Variants in NOL6 observed in about 807,000 individuals in gnomAD.
NOL6 encodes nucleolar RNA-associated protein.
In NOL6, 33 loss-of-function variants were observed where a neutral mutation model predicts 131.7. That is an observed-to-expected ratio of 0.25 (90% CI 0.19 to 0.33). The LOEUF is 0.33. Among genes scored for constraint, NOL6 ranks in the 10% least tolerant of loss-of-function variants. The pLI is 1.00. For synonymous variants in NOL6, 580 were observed against 605.7 expected, an observed-to-expected ratio of 0.96 and a Z score of 0.62; for missense variants, 1,297 against 1,494.5, an observed-to-expected ratio of 0.87 and a Z score of 2.18.
At position 33,468,411 on chromosome 9, in the gene NOL6, A is replaced by G. The variant is rs532457450; in HGVS notation, c.1218T>C (p.Ala406=). 1 of 1,614,160 alleles carries G rather than the reference A, an allele frequency of 6.2e-7. No individual in the cohort carries two copies. Among genetic ancestry groups the G allele is most frequent in the African/African-American group, 1.3e-5 (1 of 75,050 alleles). Reference sequence around the variant, plus strand: ...CAACGGAGAAGGCCTGGTGGAAGTCAGCCAGGGCCGGCTTGGGGGGTGTAG... The same window carrying G: ...CAACGGAGAAGGCCTGGTGGAAGTCGGCCAGGGCCGGCTTGGGGGGTGTAG... ...LSSDPSLPAL[A]DFHQAFSVVF... is the part of the protein sequence containing the mutation. The change falls in exon 10 of 26, where the codon GCT becomes GCC. Residue 406 remains alanine (A), a synonymous_variant. Transcript: ENST00000297990.
chr9:33,467,216 C>T lies in NOL6; in HGVS notation c.1772G>A (p.Arg591His), dbSNP rs781438877. 6.8e-6 allele frequency: 11 copies of T among 1,614,080 alleles called. No individual in the cohort carries two copies. Among genetic ancestry groups the T allele is most frequent in the Non-Finnish European group, 7.6e-6 (9 of 1,180,048 alleles). Residue 591 changes from arginine to histidine, a missense_variant, in exon 14 of 26, where the codon CGT becomes CAT. By Grantham distance (29) the Arg-to-His change is conservative (BLOSUM62 0). Coordinates refer to ENST00000297990, the MANE Select transcript of NOL6 (RefSeq NM_022917.5). The surrounding 1 kb of genome is among the most constrained non-coding windows in gnomAD (Gnocchi z 4.4). ...TTCCCGAATGGCTCCGTCCTGGAAA[C>T]GCCGAAGCTCCGAGCGGGATCCCCA... Reference protein sequence around the residue: ...QFWGSRSELRRFQDGAIREAV... With the variant: ...QFWGSRSELRHFQDGAIREAV...
intron 1 of NOL6, among the ~76,000 whole-genome samples, chr9:33,472,928 G>A (rs111855547): frequency 3.1e-4 from 46 of 149,014 alleles, no homozygotes; most frequent in African/African-American, 1.0e-3. Context: ...AGCCGAGATC[G>A]TGCCATTGCA....
In NOL6 at chr9:33,466,488, G is replaced by C. The variant is rs1587218695; in HGVS notation, c.2092-63C>G. The C allele has an allele frequency of 1.9e-6, 3 of 1,612,070 alleles. No individual in the cohort carries two copies. In the East Asian group the frequency reaches 6.7e-5, roughly 36 times the overall value. ...TGGGAGGGAGTGCCCAGAGTCAGGA[G>C]TTGGAAGTGGGGAATACTGGGTGAC... On this transcript the variant is annotated intron_variant, in intron 16 of 25. Coordinates refer to ENST00000297990, the MANE Select transcript of NOL6 (RefSeq NM_022917.5).
chr9:33,473,758 G>A, intron 1 of NOL6, 31 bp downstream of exon 1: 12 of 1,610,784 alleles, frequency 7.4e-6, no homozygotes, highest in Non-Finnish European at 1.0e-5. Context: ...CGCACATTGA[G>A]CCTCTGTTCC....
At position 33,468,091 on chromosome 9, in the gene NOL6, C is replaced by T. The variant is rs1366663854; in HGVS notation, c.1363G>A (p.Gly455Arg). 3 of 1,614,140 alleles carry T rather than the reference C, an allele frequency of 1.9e-6. No homozygotes were observed. The highest frequency in any genetic ancestry group is 2.5e-6 in the Non-Finnish European group (3 of 1,180,038). Residue 455 changes from glycine (G) to arginine (R), a missense_variant, in exon 11 of 26, where the codon GGG (glycine) becomes AGG (arginine). Transcript: ENST00000297990. Reference protein sequence around the residue: ...MMLLDSRADDGFHLLLMTPKP... With the variant: ...MMLLDSRADDRFHLLLMTPKP... ...GGAGTCATCAACAGCAGGTGGAACCCGTCGTCAGCTCTGCTGTCCAGCAAC... is the reference window on the plus strand; with the variant it reads ...GGAGTCATCAACAGCAGGTGGAACCTGTCGTCAGCTCTGCTGTCCAGCAAC...
rs115693717 is a variant in NOL6, at chr9:33,469,098, G to C, written c.886C>G (p.Arg296Gly). 3.9e-5 allele frequency: 63 copies of C among 1,614,044 alleles called. No individual in the cohort carries two copies. Among genetic ancestry groups the C allele is most frequent in the Non-Finnish European group, 4.8e-5 (57 of 1,180,050 alleles). The change falls in exon 7 of 26, where the codon CGC becomes GGC. Residue 296 changes from arginine (R) to glycine (G), a missense_variant. Transcript: ENST00000297990. The part of the protein sequence containing the change: ...GDGSPEPPTP[R>G]YNTWVLQDTV... ...TCTTGCAGGACCCATGTGTTATAGC[G>C]GGGGGTAGGAGGCTCTGGGCTACCT... is the stretch of plus-strand genomic sequence containing the variant.
rs138187500 is a variant in NOL6, at chr9:33,462,779, C to T, written c.3326G>A (p.Arg1109Gln). ...GGGCACCATTACTAGCTCCCCACCT[C>T]GAGACATCACCATGCGCCCCTTTGT... ...SSTKGRMVMSRGGELVMVPNV... is the reference protein window; with the variant it reads ...SSTKGRMVMSQGGELVMVPNV... Residue 1109 changes from arginine (R) to glutamine (Q), a missense_variant, in exon 26 of 26, where the codon CGA becomes CAA. By Grantham distance (43) the Arg-to-Gln change is conservative. Transcript: ENST00000297990. 2.3e-4 allele frequency: 365 copies of T among 1,614,056 alleles called. No individual in the cohort carries two copies. Among genetic ancestry groups the T allele is most frequent in the Non-Finnish European group, 2.8e-4 (329 of 1,180,046 alleles).
At chr9:33,472,517 T>C in intron 1 of NOL6, 105 bp from the exon 2 acceptor site, 1 of 866,984 alleles carries the variant, frequency 1.2e-6, no homozygotes, top group Non-Finnish European at 1.8e-6. Flanking sequence ...ACCTGCTCTG[T>C]CCCTCTTTTG....
In NOL6 at chr9:33,466,979, T is replaced by C. The variant is rs762833225; in HGVS notation, c.1883A>G (p.Asp628Gly). The change falls in exon 15 of 26, where the codon GAC becomes GGC. Residue 628 changes from aspartate (D) to glycine (G), a missense_variant. Transcript: ENST00000297990. ...VVTHLLALHA[D>G]IPETCVHYVG... ...ATAGTGGACACAGGTTTCTGGGATG[T>C]CAGCATGGCTGAAAAAGAGGCAGAG... 1.9e-6 allele frequency: 3 copies of C among 1,614,004 alleles called. No individual in the cohort carries two copies. Among genetic ancestry groups the C allele is most frequent in the African/African-American group, 2.7e-5 (2 of 74,910 alleles).
At chr9:33,464,825 G>A in intron 21 of NOL6, 54 bp downstream of exon 21, 2 of 1,318,004 alleles carry the variant, frequency 1.5e-6, no homozygotes, top group South Asian at 2.5e-5. Flanking sequence ...ACCCTTGCCT[G>A]CAATCCATAA....
chr9:33,463,798 AG>A (rs763535064), intron 23 of NOL6, 32 bp downstream of exon 23: 2 of 1,604,232 alleles, frequency 1.2e-6, no homozygotes, highest in South Asian at 2.2e-5. Flanking sequence ...GAATCCCCAG[AG>A]GCCCTGGAGT....
Position 33,467,547 on chromosome 9 carries a change from C to A in NOL6, c.1603-31G>T. The stretch of plus-strand genomic sequence containing the variant: ...GGATTTCAAAAGGCTGAGCTCAGTC[C>A]TCCAATCCTCCAGCCTGGCCTAGAA... On this transcript the variant is annotated intron_variant, in intron 12 of 25. Coordinates refer to ENST00000297990, the MANE Select transcript of NOL6 (RefSeq NM_022917.5). This position sits in a 1 kb window ranked among gnomAD's most constrained non-coding sequence, Gnocchi z 4.4. 1 of 1,611,514 alleles carries A rather than the reference C, an allele frequency of 6.2e-7. No individual in the cohort carries two copies. The highest frequency in any genetic ancestry group is 1.1e-5 in the South Asian group (1 of 90,946).
intron 16 of NOL6, 34 bp downstream of exon 16, chr9:33,466,535 A>G: frequency 6.2e-7 from 1 of 1,612,822 alleles, no homozygotes; most frequent in Non-Finnish European, 8.5e-7. Context: ...TGGGGCCACT[A>G]AGCAGAAAGG....
At chr9:33,466,850 A>G in intron 15 of NOL6, 62 bp downstream of exon 15, 1 of 1,523,768 alleles carries the variant, frequency 6.6e-7, no homozygotes. Flanking sequence ...CAAGGCTGAG[A>G]GGACTCTCTC....
intron 21 of NOL6, 124 bp from the exon 22 acceptor site, chr9:33,464,285 C>T: frequency 3.5e-6 from 4 of 1,149,010 alleles, no homozygotes; most frequent in Non-Finnish European, 2.4e-6. Context: ...CACTCCCCCC[C>T]ACCAAGTGGC....
At chr9:33,470,953 A>C (rs1276440632) in intron 3 of NOL6, among the ~76,000 whole-genome samples, 4 of 151,936 alleles carry the variant, frequency 2.6e-5, no homozygotes, top group Admixed American at 2.0e-4. Flanking sequence ...AATTTTTCTA[A>C]AACTAAACTT....
intron 18 of NOL6, 54 bp downstream of exon 18, chr9:33,466,017 G>A (rs1457546527): frequency 1.3e-6 from 2 of 1,559,398 alleles, no homozygotes; most frequent in Non-Finnish European, 1.7e-6. Context: ...TCCACGCCCT[G>A]ACATCCCTGG....
chr9:33,470,241 A>T (rs1473717376), intron 3 of NOL6, 50 bp from the exon 4 acceptor site: 2 of 1,425,500 alleles, frequency 1.4e-6, no homozygotes, highest in East Asian at 5.0e-5. Flanking sequence ...CCTTCCTCAC[A>T]TGTACCCTTT....
At position 33,461,415 on chromosome 9, in the gene NOL6, T is replaced by G. The variant is rs1827092164; in HGVS notation, c.*1249A>C. 1 of 152,218 alleles carries G rather than the reference T, an allele frequency of 6.6e-6. No individual in the cohort carries two copies. Among genetic ancestry groups the G allele is most frequent in the Non-Finnish European group, 1.5e-5 (1 of 68,052 alleles). 9.4% of individuals were successfully genotyped at this position (152,218 alleles called of 1,614,324 possible). ...CATACAAGAAACCAGGTTAAAATTA[T>G]GTGAAAGGGGCAGACAGGCCAGGAA... On this transcript the variant is annotated 3_prime_UTR_variant, in exon 26 of 26. Transcript: ENST00000297990.
Sources: gnomAD v4.1 joint callset for allele counts (sites outside exome capture counted in the v4.1 genomes callset) on GRCh38, gnomAD v4.1.1 for gene constraint, Gnocchi (gnomAD v3.1) non-coding constraint, MANE v1.5 for transcripts, NCBI Gene and HGNC (gene_info 2026-07-23, HGNC 2026-07-21) for gene names.